Variants in EDARADD observed in about 807,000 individuals in gnomAD.
The protein encoded by EDARADD is EDAR associated via death domain, also known as ectodysplasin-A receptor-associated adapter protein.
EDARADD carries 20 observed loss-of-function variants against 25.6 expected under a neutral mutation model. That is an observed-to-expected ratio of 0.78 (90% CI 0.55 to 1.14). The LOEUF is 1.14. EDARADD is among the 50% of genes most tolerant of loss of function. The pLI is 0.00. For synonymous variants in EDARADD, 86 were observed against 94.4 expected (o/e 0.91, Z 0.52); for missense variants, 225 against 270.1 (o/e 0.83, Z 1.17).
At position 236,482,809 on chromosome 1, in the gene EDARADD, T is replaced by G. The variant is rs1366692464; in HGVS notation, c.*160T>G. 1.1e-6 allele frequency: 1 copy of G among 902,524 alleles called. No individual in the cohort carries two copies. The highest frequency in any genetic ancestry group is 2.6e-5 in the East Asian group (1 of 38,482). The allele number at this position is 902,524 out of a possible 1,614,324, so 55.9% of individuals were successfully genotyped here. A position where few individuals can be genotyped will look rare whatever the true frequency, so the allele number is the denominator to read the frequency against. ...GCAGTTTTGTGGAGGGGTAGCTTGT[T>G]TCGGTGGTGGATCTCTGTTTATTTT... On this transcript the variant is annotated 3_prime_UTR_variant, in exon 6 of 6. Transcript: ENST00000334232.
chr1:236,483,448 T>C lies in EDARADD; in HGVS notation c.*799T>C. The C allele has an allele frequency of 9.5e-7, 1 of 1,049,010 alleles. No homozygotes were observed. The highest frequency in any genetic ancestry group is 1.5e-6 in the Non-Finnish European group (1 of 667,030). 65.0% of individuals were successfully genotyped at this position (1,049,010 alleles called of 1,614,324 possible). On this transcript the variant is annotated 3_prime_UTR_variant, in exon 6 of 6. Coordinates refer to ENST00000334232, the MANE Select transcript of EDARADD (RefSeq NM_145861.4). ...CAAGAGAAGATTGACAAACTTATGA[T>C]AGAGATGGATGGAACAGAAAATAAA...
At chr1:236,413,954 C>T (rs891155239) in intron 2 of EDARADD, among the ~76,000 whole-genome samples, 6 of 152,328 alleles carry the variant, frequency 3.9e-5, no homozygotes, top group African/African-American at 1.4e-4. Context: ...AAATGCTCCT[C>T]AATTGTAAAC....
chr1:236,461,343 G>T (rs567636038), intron 4 of EDARADD, among the ~76,000 whole-genome samples: 1 of 152,100 alleles, frequency 6.6e-6, no homozygotes, highest in African/African-American at 2.4e-5. Flanking sequence ...TGGAGATAGG[G>T]GTCTAGTTTC....
chr1:236,471,236 A>G (rs1388790627), intron 5 of EDARADD, among the ~76,000 whole-genome samples: 8 of 152,298 alleles, frequency 5.3e-5, no homozygotes, highest in South Asian at 2.1e-4. Context: ...AAACGAAATC[A>G]TGTTGTTTTT....
At chr1:236,468,301 C>G (rs567161985) in intron 5 of EDARADD, 25 bp downstream of exon 5, 6 of 1,608,890 alleles carry the variant, frequency 3.7e-6, no homozygotes, top group Non-Finnish European at 5.1e-6. Context: ...CTAAAGCTAT[C>G]TGGGCTAATA....
intron 5 of EDARADD, among the ~76,000 whole-genome samples, chr1:236,473,654 G>T (rs113242439): frequency 8.0e-4 from 122 of 152,112 alleles, no homozygotes; most frequent in Non-Finnish European, 1.4e-3. Context: ...GCCCGGTGGC[G>T]TGCGCCTGTG....
intron 2 of EDARADD, among the ~76,000 whole-genome samples, chr1:236,411,547 C>CTTTT (rs376379766): frequency 6.9e-6 from 1 of 144,272 alleles, no homozygotes; most frequent in Non-Finnish European, 1.5e-5. Context: ...TCTTCTTCTT[C>CTTTT]TTTTTTTTTT....
chr1:236,398,791 T>C lies in EDARADD; in HGVS notation c.61+4286T>C, dbSNP rs376982725. On this transcript the variant is annotated intron_variant, in intron 1 of 5. Transcript: ENST00000334232. The surrounding 1 kb of genome is among the most constrained non-coding windows in gnomAD (Gnocchi z 4.1). ...GATGTTATACATGCTCAGCAAACCCTGTACCTTTCCTTTCTGGCACCTGTC... is the reference window on the plus strand; with the variant it reads ...GATGTTATACATGCTCAGCAAACCCCGTACCTTTCCTTTCTGGCACCTGTC... Among the ~76,000 whole-genome samples the C allele has an allele frequency of 2.6e-5, 4 of 152,242 alleles. No individual in the cohort carries two copies. The East Asian group carries it at 7.7e-4, about 29-fold the overall frequency.
chr1:236,413,060 C>T (rs1367408391), intron 2 of EDARADD, among the ~76,000 whole-genome samples: 3 of 152,124 alleles, frequency 2.0e-5, no homozygotes, highest in Admixed American at 2.0e-4. Flanking sequence ...GATGGGGTTT[C>T]ACCATGTTGG....
chr1:236,348,304 C>T (rs1287446674), intron 1 of EDARADD: 1 of 152,322 alleles, frequency 6.6e-6, no homozygotes, highest in East Asian at 1.9e-4. Context: ...TACAGACTGA[C>T]TGGGGAGCCA....
chr1:236,481,164 T>A (rs994643690), intron 5 of EDARADD, among the ~76,000 whole-genome samples: 10 of 152,136 alleles, frequency 6.6e-5, no homozygotes. Context: ...TTGTTGTTTT[T>A]AAAAAAAGAC....
chr1:236,418,076 C>T (rs1657687182), intron 3 of EDARADD, among the ~76,000 whole-genome samples: 2 of 151,744 alleles, frequency 1.3e-5, no homozygotes, highest in Admixed American at 6.6e-5. Flanking sequence ...GCCTCAGCCT[C>T]CCGAATAGCT....
intron 4 of EDARADD, among the ~76,000 whole-genome samples, chr1:236,466,529 A>G (rs1184174926): frequency 6.6e-6 from 1 of 152,164 alleles, no homozygotes; most frequent in Non-Finnish European, 1.5e-5. Flanking sequence ...ATGAAAAGAA[A>G]TTGTATGAAT....
At chr1:236,464,248 GTAT>G (rs1558133458) in intron 4 of EDARADD, among the ~76,000 whole-genome samples, 2 of 120,950 alleles carry the variant, frequency 1.7e-5, no homozygotes. Context: ...CTTTCTGCAA[GTAT>G]TATTTTTTTT....
At chr1:236,371,264 A>G (rs1311706750) in intron 3 of EDARADD, among the ~76,000 whole-genome samples, 1 of 152,148 alleles carries the variant, frequency 6.6e-6, no homozygotes, top group Non-Finnish European at 1.5e-5. Flanking sequence ...GCTTTTGTAT[A>G]TTAATGTTGG....
chr1:236,431,598 A>C (rs796989498), intron 4 of EDARADD, among the ~76,000 whole-genome samples: 1 of 152,190 alleles, frequency 6.6e-6, no homozygotes, highest in Non-Finnish European at 1.5e-5. Context: ...CTTGGACATA[A>C]AAAATACAGG....
At position 236,405,874 on chromosome 1, in the gene EDARADD, C is replaced by CTTCCTTCTTTCTTTCT. The variant is rs56931070; in HGVS notation, c.62-3339_62-3338insCTTCTTTCTTTCTTTC. On this transcript the variant is annotated intron_variant, in intron 1 of 5. Coordinates refer to ENST00000334232, the MANE Select transcript of EDARADD (RefSeq NM_145861.4). ...CCTTCCTTCCTTCCTTCCTTCCTTC[C>CTTCCTTCTTTCTTTCT]TTCTTTCTTTCTTTCTTTCTTTCTT... Among the ~76,000 whole-genome samples the CTTCCTTCTTTCTTTCT allele has an allele frequency of 1.5e-3, 47 of 30,854 alleles. 1 individual carries two copies. The highest frequency in any genetic ancestry group is 0.013 in the Middle Eastern group (1 of 78). The allele number at this position is 30,854 out of a possible 152,430, so 20.2% of individuals were successfully genotyped here.
At chr1:236,418,364 C>T (rs1343510621) in intron 3 of EDARADD, among the ~76,000 whole-genome samples, 1 of 152,074 alleles carries the variant, frequency 6.6e-6, no homozygotes, top group Non-Finnish European at 1.5e-5. Flanking sequence ...CTCACTTCAG[C>T]CTCCTGAGTA....
Position 236,424,785 on chromosome 1 carries a change from G to T in EDARADD, c.161-2607G>T, listed in dbSNP as rs537641407. Among the ~76,000 whole-genome samples the T allele has an allele frequency of 2.0e-5, 3 of 152,334 alleles. No homozygotes were observed. The East Asian group carries it at 5.8e-4, about 29-fold the overall frequency. The stretch of plus-strand genomic sequence containing the variant: ...GGGGCATAAGCTGCAGCGTGGTCCA[G>T]CCCAATGGAAGAGTGCTGGCCTATA... On this transcript the variant is annotated intron_variant, in intron 3 of 5. Transcript: ENST00000334232.
Sources: allele counts gnomAD v4.1 joint callset (sites outside exome capture counted in the v4.1 genomes callset), GRCh38; gene constraint gnomAD v4.1.1; non-coding constraint Gnocchi (gnomAD v3.1); transcripts MANE v1.5; gene names NCBI Gene and HGNC (gene_info 2026-07-23, HGNC 2026-07-21).